The following MKLN1 variants were observed in gnomAD, a reference collection of about 807,000 sequenced individuals.
MKLN1 encodes muskelin 1.
A neutral mutation model predicts 99.0 loss-of-function variants in MKLN1; 18 were observed. The ratio of observed to expected loss-of-function variants is 0.18; its 90% CI spans 0.13 to 0.27. The LOEUF (loss-of-function observed/expected upper bound fraction) is 0.27, where lower values mean the gene tolerates loss of function less well. MKLN1 is among the 10% of genes least tolerant of loss of function. The pLI, the probability that MKLN1 is intolerant of heterozygous loss-of-function variation, is 1.00. For missense variants in MKLN1, 621 were observed against 875.9 expected, an observed-to-expected ratio of 0.71 and a Z score of 3.67; for synonymous variants, 288 against 293.2, an observed-to-expected ratio of 0.98 and a Z score of 0.18.
chr7:131,229,461 G>A (rs1441767901), intron 3 of MKLN1, among the ~76,000 whole-genome samples: 3 of 152,142 alleles, frequency 2.0e-5, no homozygotes, highest in Non-Finnish European at 4.4e-5. Flanking sequence ...GGGGACCAAG[G>A]GCTTTGTTAC....
intron 8 of MKLN1, among the ~76,000 whole-genome samples, chr7:131,419,257 T>TTG (rs891957290): frequency 1.4e-5 from 2 of 143,102 alleles, no homozygotes; most frequent in East Asian, 4.0e-4. Flanking sequence ...TTTTTGTTTT[T>TTG]TTTTTTTTTT....
chr7:131,417,772 T>G (rs955190802), intron 8 of MKLN1, among the ~76,000 whole-genome samples: 2 of 152,222 alleles, frequency 1.3e-5, no homozygotes, highest in Admixed American at 1.3e-4. Flanking sequence ...TCGTTTTAAA[T>G]TTATCATTCA....
chr7:131,274,838 A>G (rs1797936740), intron 3 of MKLN1, among the ~76,000 whole-genome samples: 2 of 152,266 alleles, frequency 1.3e-5, no homozygotes, highest in Non-Finnish European at 2.9e-5. Flanking sequence ...TGGGGCAATA[A>G]TAAACACTAA....
chr7:131,133,499 A>G (rs1346177990), intron 1 of MKLN1, among the ~76,000 whole-genome samples: 12 of 150,614 alleles, frequency 8.0e-5, no homozygotes, highest in East Asian at 2.0e-4. Context: ...GATTACAGGC[A>G]CATGCCACCA....
chr7:131,287,799 A>G (rs6977954), intron 3 of MKLN1, among the ~76,000 whole-genome samples: 31,746 of 151,958 alleles, frequency 0.21, 3,910 homozygotes, highest in African/African-American at 0.35. Context: ...AGGTGATTGG[A>G]TCATGGGGGA....
intron 11 of MKLN1, among the ~76,000 whole-genome samples, chr7:131,445,519 C>T (rs1795986528): frequency 6.6e-6 from 1 of 151,462 alleles, no homozygotes; most frequent in Non-Finnish European, 1.5e-5. Flanking sequence ...CCTTCTTCTC[C>T]ATTCCTACAC....
In MKLN1 at chr7:131,489,161, C is replaced by G. The variant is rs1456495301; in HGVS notation, c.*1433C>G. The G allele has an allele frequency of 6.6e-6, 1 of 152,066 alleles. No individual in the cohort carries two copies. The highest frequency in any genetic ancestry group is 6.6e-5 in the Admixed American group (1 of 15,244). 9.4% of individuals were successfully genotyped at this position (152,066 alleles called of 1,614,324 possible). On this transcript the variant is annotated 3_prime_UTR_variant, in exon 18 of 18. Coordinates refer to ENST00000352689, the MANE Select transcript of MKLN1 (RefSeq NM_013255.5). ...CAAAGAAGAAATTAACCTGCACTTT[C>G]AAAAAGTACCATGTATAGGAATGAA... is the stretch of plus-strand genomic sequence containing the variant.
At chr7:131,226,786 T>A (rs1213118421) in intron 3 of MKLN1, among the ~76,000 whole-genome samples, 2 of 152,170 alleles carry the variant, frequency 1.3e-5, no homozygotes, top group Non-Finnish European at 2.9e-5. Context: ...ATTTGCTGTG[T>A]GTTTTTGTTT....
At chr7:131,158,278 A>C (rs920132185) in intron 2 of MKLN1, among the ~76,000 whole-genome samples, 7 of 152,080 alleles carry the variant, frequency 4.6e-5, no homozygotes, top group Non-Finnish European at 1.0e-4. Context: ...TGTCTCTACT[A>C]AAAATATAAA....
intron 15 of MKLN1, among the ~76,000 whole-genome samples, chr7:131,466,934 C>T (rs1013422046): frequency 3.5e-4 from 54 of 152,202 alleles, no homozygotes; most frequent in Admixed American, 1.4e-3. Context: ...CGCGCGCGCG[C>T]GCACACACGC....
At position 131,376,653 on chromosome 7, in the gene MKLN1, AAAG is replaced by A. The variant is rs1466237488; in HGVS notation, c.168+1163_168+1165del. On this transcript the variant is annotated intron_variant, in intron 2 of 17. Transcript: ENST00000352689. ...GAGACTCTGTCTCAAAAAAAAAAAAAAAGAATATATATTTATAATTTTTATATA... is the reference window on the plus strand; with the variant it reads ...GAGACTCTGTCTCAAAAAAAAAAAAAAATATATATTTATAATTTTTATATA... 2.0e-3 allele frequency among the ~76,000 whole-genome samples: 299 copies of A among 150,458 alleles called. 2 individuals carry two copies. Among genetic ancestry groups the A allele is most frequent in the African/African-American group, 7.0e-3 (290 of 41,280 alleles).
intron 1 of MKLN1, among the ~76,000 whole-genome samples, chr7:131,123,384 T>C (rs1795405918): frequency 6.6e-6 from 1 of 152,244 alleles, no homozygotes; most frequent in African/African-American, 2.4e-5. Flanking sequence ...TGAATGAACC[T>C]GGCCATATTC....
intron 6 of MKLN1, among the ~76,000 whole-genome samples, chr7:131,400,893 A>G (rs1168921504): frequency 6.6e-6 from 1 of 152,122 alleles, no homozygotes; most frequent in Non-Finnish European, 1.5e-5. Context: ...CAGCCACATC[A>G]TAGTTTTTGT....
intron 14 of MKLN1, among the ~76,000 whole-genome samples, chr7:131,464,833 GA>G (rs1264195045): frequency 1.3e-5 from 2 of 152,140 alleles, no homozygotes; most frequent in Non-Finnish European, 1.5e-5. Flanking sequence ...ATATACTAGT[GA>G]TACCTCTTTT....
chr7:131,122,121 G>A (rs1795381724), intron 1 of MKLN1, among the ~76,000 whole-genome samples: 1 of 152,072 alleles, frequency 6.6e-6, no homozygotes, highest in Non-Finnish European at 1.5e-5. Flanking sequence ...TGTTTCCCTG[G>A]GGCTTGCCCT....
intron 2 of MKLN1, among the ~76,000 whole-genome samples, chr7:131,178,840 G>A (rs1238350555): frequency 6.6e-6 from 1 of 151,944 alleles, no homozygotes; most frequent in Non-Finnish European, 1.5e-5. Flanking sequence ...TTTTGTTTTG[G>A]CCCAATATAA....
chr7:131,474,935 A>C (rs1275919146), intron 16 of MKLN1, among the ~76,000 whole-genome samples: 2 of 152,178 alleles, frequency 1.3e-5, no homozygotes, highest in African/African-American at 2.4e-5. Context: ...CCTTTTTCAC[A>C]TGATGGCAGG....
intron 8 of MKLN1, among the ~76,000 whole-genome samples, chr7:131,422,896 T>C (rs553845024): frequency 5.3e-5 from 8 of 152,346 alleles, no homozygotes; most frequent in African/African-American, 1.9e-4. Context: ...TGTTGTATTC[T>C]GTCCTACTGA....
chr7:131,151,800 C>T (rs992982599), intron 2 of MKLN1, among the ~76,000 whole-genome samples: 17 of 152,076 alleles, frequency 1.1e-4, no homozygotes, highest in Admixed American at 2.6e-4. Context: ...AATTTATGCA[C>T]GCATACAAAC....
Sources: allele counts gnomAD v4.1 joint callset (sites outside exome capture counted in the v4.1 genomes callset), GRCh38; gene constraint gnomAD v4.1.1; transcripts MANE v1.5; gene names NCBI Gene and HGNC (gene_info 2026-07-23, HGNC 2026-07-21).